The following MYH15 variants were observed in gnomAD, a reference collection of about 807,000 sequenced individuals.
MYH15 encodes the protein myosin-15.
In MYH15, 227 loss-of-function variants were observed where a neutral mutation model predicts 240.5. The ratio of observed to expected loss-of-function variants is 0.94; its 90% CI spans 0.85 to 1.05. The LOEUF is 1.05. Among genes scored for constraint, MYH15 ranks in the 50% least tolerant of loss-of-function variants. The pLI, the probability that MYH15 is intolerant of heterozygous loss-of-function variation, is 0.00. For synonymous variants in MYH15, 785 were observed against 796.7 expected, an observed-to-expected ratio of 0.99 and a Z score of 0.25; for missense variants, 2,217 against 2,247.5, an observed-to-expected ratio of 0.99 and a Z score of 0.27.
chr3:108,448,730 C>A (rs984662241), intron 21 of MYH15, among the ~76,000 whole-genome samples: 1 of 151,446 alleles, frequency 6.6e-6, no homozygotes, highest in Non-Finnish European at 1.5e-5. Context: ...AGGTCAGGAA[C>A]AAGACAAGAA....
At chr3:108,474,127 A>G (rs905656961) in intron 12 of MYH15, among the ~76,000 whole-genome samples, 3 of 151,940 alleles carry the variant, frequency 2.0e-5, no homozygotes, top group Non-Finnish European at 4.4e-5. Context: ...CGTTGCAAAA[A>G]TTTTTCCCAT....
the MYH15 span, among the ~76,000 whole-genome samples, chr3:108,535,553 GCAAA>G: frequency 6.6e-6 from 1 of 152,118 alleles, no homozygotes. Context: ...TTATGGGAAT[GCAAA>G]CATTCAGTCT....
At chr3:108,451,155 A>C (rs1417938822) in intron 21 of MYH15, among the ~76,000 whole-genome samples, 1 of 152,172 alleles carries the variant, frequency 6.6e-6, no homozygotes, top group African/African-American at 2.4e-5. Context: ...CAAGGCAGGC[A>C]GATCACGTGA....
intron 21 of MYH15, among the ~76,000 whole-genome samples, chr3:108,445,599 C>G (rs1014569179): frequency 5.3e-5 from 8 of 151,644 alleles, no homozygotes; most frequent in Non-Finnish European, 7.4e-5. Context: ...TACCTTAAAC[C>G]CAAGCACCAG....
intron 28 of MYH15, among the ~76,000 whole-genome samples, chr3:108,417,390 C>A (rs1485221292): frequency 3.3e-5 from 5 of 152,136 alleles, no homozygotes; most frequent in Admixed American, 3.3e-4. Context: ...TTCTTCTATA[C>A]CATACTCCCT....
rs779691599 is a variant in MYH15, at chr3:108,399,236, G to A, written c.4768C>T (p.Gln1590Ter). Reference protein sequence around the residue: ...RKQQCTIDSLQSSLDSEAKSR... With the variant: ...RKQQCTIDSL The stretch of plus-strand genomic sequence containing the variant: ...TTAGCTTCAGAATCCAGACTAGACT[G>A]CAGGGAGTCAATGGTACACTGCTGC... Residue 1590 changes from glutamine (Q) to a stop codon, truncating the protein, a stop_gained, in exon 34 of 41, where the codon CAG becomes TAG. Coordinates refer to ENST00000693548, the MANE Select transcript of MYH15 (RefSeq NM_014981.3). LOFTEE classifies it high-confidence loss of function. 1.2e-6 allele frequency: 2 copies of A among 1,613,982 alleles called. No homozygotes were observed. Among genetic ancestry groups the A allele is most frequent in the African/African-American group, 1.3e-5 (1 of 74,924 alleles).
intron 1 of MYH15, among the ~76,000 whole-genome samples, chr3:108,527,253 GT>G (rs2083679747): frequency 6.6e-6 from 1 of 152,096 alleles, no homozygotes; most frequent in Non-Finnish European, 1.5e-5. Flanking sequence ...GGAGGATTCT[GT>G]TTAGCCACCA....
chr3:108,430,703 G>A, intron 26 of MYH15, 129 bp downstream of exon 26: 1 of 604,294 alleles, frequency 1.7e-6, no homozygotes, highest in South Asian at 2.4e-5. Context: ...CTTAACCACT[G>A]TTCTTTTCTG....
At chr3:108,408,746 C>T (rs1236069622) in intron 31 of MYH15, among the ~76,000 whole-genome samples, 4 of 152,206 alleles carry the variant, frequency 2.6e-5, no homozygotes, top group Non-Finnish European at 5.9e-5. Flanking sequence ...GGAGTCCCTA[C>T]CCTTCCAGTG....
intron 7 of MYH15, among the ~76,000 whole-genome samples, 173 bp downstream of exon 7, chr3:108,495,603 TTTAA>T (rs2107228609): frequency 6.6e-6 from 1 of 152,314 alleles, no homozygotes; most frequent in Non-Finnish European, 1.5e-5. Flanking sequence ...TTTATAAAAA[TTTAA>T]TTGTCTTAAT....
chr3:108,467,968 CT>C (rs371855484), intron 14 of MYH15, among the ~76,000 whole-genome samples: 11,020 of 143,028 alleles, frequency 0.077, 1,223 homozygotes, highest in African/African-American at 0.25. Context: ...TTGATATAAA[CT>C]TTTTTTTTTT....
chr3:108,455,924 T>C lies in MYH15; in HGVS notation c.2139-65A>G, dbSNP rs186968857. ...CATATTATTCAAATAAAGACTAATC[T>C]AGACAAATGAGGTGAAAGGAGACAT... On this transcript the variant is annotated intron_variant, in intron 19 of 40. Transcript: ENST00000693548. 3.4e-3 allele frequency: 5,112 copies of C among 1,486,376 alleles called. 15 individuals carry two copies. The highest frequency in any genetic ancestry group is 5.1e-3 in the Admixed American group (296 of 57,668). The allele number at this position is 1,486,376 out of a possible 1,614,324, so 92.1% of individuals were successfully genotyped here. A position where few individuals can be genotyped will look rare whatever the true frequency, so the allele number is the denominator to read the frequency against.
At chr3:108,403,571 T>C (rs2082524831) in intron 33 of MYH15, among the ~76,000 whole-genome samples, 1 of 149,976 alleles carries the variant, frequency 6.7e-6, no homozygotes, top group Admixed American at 6.7e-5. Flanking sequence ...AAAGTGAAAC[T>C]ATCAGATTAA....
At chr3:108,396,676 T>C (rs1174270510) in intron 35 of MYH15, among the ~76,000 whole-genome samples, 3 of 151,968 alleles carry the variant, frequency 2.0e-5, no homozygotes, top group Non-Finnish European at 4.4e-5. Context: ...TCATTGTATT[T>C]AAACTTTCTT....
chr3:108,485,145 T>C lies in MYH15; in HGVS notation c.1060A>G (p.Met354Val). The C allele has an allele frequency of 6.2e-7, 1 of 1,614,142 alleles. No individual in the cohort carries two copies. Among genetic ancestry groups the C allele is most frequent in the African/African-American group, 1.3e-5 (1 of 75,038 alleles). The change falls in exon 11 of 41, where the codon ATG becomes GTG. Residue 354 changes from methionine (M) to valine (V), a missense_variant. Met to Val is a conservative substitution (Grantham distance 21, BLOSUM62 1). Transcript: ENST00000693548. The part of the protein sequence containing the change: ...LTGAIMHFGN[M>V]KFKQKPREEQ... The stretch of plus-strand genomic sequence containing the variant: ...TCTCTAGGTTTCTGTTTAAATTTCA[T>C]ATTTCCAAAGTGCATGATGGCTCCA...
intron 21 of MYH15, among the ~76,000 whole-genome samples, chr3:108,446,595 C>T (rs7651584): frequency 0.015 from 2,318 of 151,936 alleles, 54 homozygotes; most frequent in African/African-American, 0.049. Flanking sequence ...GTAACCATCC[C>T]TAAAAAAATG....
chr3:108,460,959 T>C (rs1415006625), intron 16 of MYH15, among the ~76,000 whole-genome samples: 2 of 152,232 alleles, frequency 1.3e-5, no homozygotes, highest in Non-Finnish European at 2.9e-5. Flanking sequence ...TCAGTTTTTC[T>C]ATATTGTCTG....
intron 35 of MYH15, among the ~76,000 whole-genome samples, chr3:108,397,700 CACTT>C (rs2082472541): frequency 6.6e-6 from 1 of 152,256 alleles, no homozygotes; most frequent in Non-Finnish European, 1.5e-5. Context: ...TGCTTCGTGT[CACTT>C]ACATAACCTT....
chr3:108,440,983 C>A (rs752901402), intron 23 of MYH15, 35 bp downstream of exon 23: 1 of 1,610,858 alleles, frequency 6.2e-7, no homozygotes, highest in South Asian at 1.1e-5. Flanking sequence ...ATTCTGGCTG[C>A]TAGGCCTTCT....
Sources: gnomAD v4.1 joint callset for allele counts (sites outside exome capture counted in the v4.1 genomes callset) on GRCh38, gnomAD v4.1.1 for gene constraint, MANE v1.5 for transcripts, NCBI Gene and HGNC (gene_info 2026-07-23, HGNC 2026-07-21) for gene names.